Variants in GLYATL2 observed in about 807,000 individuals in gnomAD.
GLYATL2 encodes glycine-N-acyltransferase like 2, also known as glycine N-acyltransferase-like protein 2.
GLYATL2 carries 25 observed loss-of-function variants against 21.4 expected under a neutral mutation model. The observed-to-expected ratio is 1.17, with a 90% CI of 0.85 to 1.63. GLYATL2 has a LOEUF of 1.63. GLYATL2 is among the 40% of genes most tolerant of loss of function. GLYATL2 has a pLI of 0.00. For synonymous variants in GLYATL2, 114 were observed against 118.2 expected, an observed-to-expected ratio of 0.96 and a Z score of 0.23; for missense variants, 361 against 343.3, an observed-to-expected ratio of 1.05 and a Z score of -0.41.
intron 1 of GLYATL2, among the ~76,000 whole-genome samples, chr11:58,840,029 C>G (rs576076288): frequency 2.1e-4 from 32 of 152,062 alleles, no homozygotes; most frequent in Non-Finnish European, 3.7e-4. Context: ...CCACCACCCC[C>G]AAGCATTGAA....
intron 1 of GLYATL2, among the ~76,000 whole-genome samples, chr11:58,897,724 A>T (rs570159618): frequency 6.6e-6 from 1 of 152,342 alleles, no homozygotes; most frequent in East Asian, 1.9e-4. Flanking sequence ...ACTTCATAAA[A>T]ACTATTTATG....
upstream of GLYATL2, among the ~76,000 whole-genome samples, chr11:58,846,467 A>T (rs548182336): frequency 2.0e-5 from 3 of 152,084 alleles, no homozygotes; most frequent in Non-Finnish European, 4.4e-5. Context: ...ACCAATCCCC[A>T]TCCCTCCCAA....
rs1470053973 is a variant in GLYATL2 at position 58,901,947 on chromosome 11, C to G, written n.60+2209G>C. Among the ~76,000 whole-genome samples, 3 of 152,312 alleles carry G rather than the reference C, an allele frequency of 2.0e-5. No individual in the cohort carries two copies. In the East Asian group the frequency reaches 5.8e-4, roughly 29 times the overall value. On this transcript the variant is annotated intron_variant and non_coding_transcript_variant, in intron 1 of 4. Transcript: ENST00000533636. The stretch of plus-strand genomic sequence containing the variant: ...GTCCCAAACCATGTAAACCTCTACA[C>G]ACAGCTCAGTGAATATTTCTTTACT...
At chr11:58,900,833 CATTGGCTTT>C (rs1854725416) in intron 1 of GLYATL2, among the ~76,000 whole-genome samples, 2 of 151,178 alleles carry the variant, frequency 1.3e-5, no homozygotes, top group Admixed American at 6.6e-5. Flanking sequence ...TGGAAGCTAC[CATTGGCTTT>C]CATTGATGTC....
intron 1 of GLYATL2, among the ~76,000 whole-genome samples, chr11:58,903,053 G>T (rs763511799): frequency 5.9e-5 from 9 of 152,222 alleles, no homozygotes; most frequent in Non-Finnish European, 1.3e-4. Context: ...ACTTAAGGAA[G>T]AAATGGAAGA....
intron 1 of GLYATL2, among the ~76,000 whole-genome samples, chr11:58,863,577 A>G (rs968878447): frequency 6.6e-6 from 1 of 152,144 alleles, no homozygotes; most frequent in Admixed American, 6.5e-5. Context: ...CTGAAGCCTG[A>G]AGCTGGCCTA....
In GLYATL2 at chr11:58,859,811, G is replaced by A. The variant is rs75599938; in HGVS notation, n.61-21443C>T. 5.7e-3 allele frequency among the ~76,000 whole-genome samples: 874 copies of A among 152,142 alleles called. 10 individuals are homozygous for A. The highest frequency in any genetic ancestry group is 0.019 in the African/African-American group (799 of 41,516). ...ATTTTTATACATGGTGTGAGATAAG[G>A]TCTAATTTCAATTTTCCAAATGTGG... On this transcript the variant is annotated intron_variant and non_coding_transcript_variant, in intron 1 of 4. Transcript: ENST00000533636.
intron 1 of GLYATL2, among the ~76,000 whole-genome samples, chr11:58,874,396 G>T (rs574616797): frequency 2.6e-3 from 399 of 152,234 alleles, no homozygotes; most frequent in Non-Finnish European, 4.7e-3. Flanking sequence ...GTCAATTTTT[G>T]ATCTTTCCTG....
At chr11:58,909,018 C>T (rs1405255416), upstream of GLYATL2, among the ~76,000 whole-genome samples, 1 of 152,188 alleles carries the variant, frequency 6.6e-6, no homozygotes, top group Non-Finnish European at 1.5e-5. Context: ...CCCAGGCCAT[C>T]AGACTGCAGA....
chr11:58,904,424 A>C (rs1274176277), upstream of GLYATL2, among the ~76,000 whole-genome samples: 1 of 152,234 alleles, frequency 6.6e-6, no homozygotes, highest in Non-Finnish European at 1.5e-5. Context: ...CCTAAGGAGC[A>C]CTTTTTTCCA....
At chr11:58,879,802 G>A (rs766401136) in intron 1 of GLYATL2, among the ~76,000 whole-genome samples, 2 of 151,892 alleles carry the variant, frequency 1.3e-5, no homozygotes, top group Admixed American at 6.5e-5. Context: ...TGAATTATAC[G>A]GTTAAACAGT....
intron 1 of GLYATL2, among the ~76,000 whole-genome samples, chr11:58,876,824 A>G (rs1854242500): frequency 6.6e-6 from 1 of 152,230 alleles, no homozygotes; most frequent in Non-Finnish European, 1.5e-5. Context: ...GCTGTCAGAC[A>G]AGGACATTTA....
upstream of GLYATL2, among the ~76,000 whole-genome samples, chr11:58,846,859 C>T (rs1853653828): frequency 6.6e-6 from 1 of 152,082 alleles, no homozygotes; most frequent in Non-Finnish European, 1.5e-5. Flanking sequence ...CCAGCTGGGT[C>T]AGTCAAAGGA....
intron 1 of GLYATL2, among the ~76,000 whole-genome samples, chr11:58,866,235 T>TATAAA (rs142060134): frequency 0.01 from 1,517 of 149,202 alleles, 126 homozygotes; most frequent in Non-Finnish European, 0.017. Context: ...AGATTGTTAT[T>TATAAA]TATCTCAAAC....
chr11:58,899,406 A>C (rs1483626632), intron 1 of GLYATL2, among the ~76,000 whole-genome samples: 2 of 152,232 alleles, frequency 1.3e-5, no homozygotes, highest in Non-Finnish European at 2.9e-5. Context: ...AACTAAACCA[A>C]AAATTAAAAA....
chr11:58,883,316 A>T (rs574193581), intron 1 of GLYATL2, among the ~76,000 whole-genome samples: 1 of 152,196 alleles, frequency 6.6e-6, no homozygotes, highest in Non-Finnish European at 1.5e-5. Flanking sequence ...TTGATAGACC[A>T]ATAGCAAGAC....
rs748344926 is a variant in GLYATL2, at chr11:58,837,040, A to T, written c.451T>A (p.Leu151Ile). 5 of 1,613,052 alleles carry T rather than the reference A, an allele frequency of 3.1e-6. No homozygotes were observed. Among genetic ancestry groups the T allele is most frequent in the Non-Finnish European group, 4.2e-6 (5 of 1,179,586 alleles). Reference sequence around the variant, plus strand: ...TTGTTATCATCATCCACTTCAAATAACTCCATCTTGTCATTACTTGAGGTC... The same window carrying T: ...TTGTTATCATCATCCACTTCAAATATCTCCATCTTGTCATTACTTGAGGTC... ...HKTSSNDKME[L>I]FEVDDDNKEG... Residue 151 changes from leucine to isoleucine, a missense_variant, in exon 5 of 6, where the codon TTA becomes ATA. By Grantham distance (5) the Leu-to-Ile change is conservative. Transcript: ENST00000287275.
At chr11:58,888,618 T>A (rs1474629695) in intron 1 of GLYATL2, among the ~76,000 whole-genome samples, 2 of 151,968 alleles carry the variant, frequency 1.3e-5, no homozygotes, top group African/African-American at 2.4e-5. Context: ...GTTTATATAT[T>A]TTTGTATCTA....
Position 58,867,171 on chromosome 11 carries a change from T to A in GLYATL2, n.61-28803A>T, listed in dbSNP as rs978145942. Among the ~76,000 whole-genome samples the A allele has an allele frequency of 6.7e-5, 10 of 148,922 alleles. 1 individual carries two copies. Among genetic ancestry groups the A allele is most frequent in the South Asian group, 2.1e-4 (1 of 4,654 alleles). ...GCCAGCTCATTGCCACTCTTTGTAG[T>A]ATGAAGTATGCCAACACATAAAGAT... On this transcript the variant is annotated intron_variant and non_coding_transcript_variant, in intron 1 of 4. Coordinates refer to the GLYATL2 transcript ENST00000533636.
Sources: gnomAD v4.1 joint callset for allele counts (sites outside exome capture counted in the v4.1 genomes callset) on GRCh38, gnomAD v4.1.1 for gene constraint, MANE v1.5 for transcripts, NCBI Gene and HGNC (gene_info 2026-07-23, HGNC 2026-07-21) for gene names.